The following CACNA1H variants were observed in gnomAD, a reference collection of about 807,000 sequenced individuals.
The protein encoded by CACNA1H is calcium voltage-gated channel subunit alpha1 H.
A neutral mutation model predicts 192.5 loss-of-function variants in CACNA1H; 149 were observed. The ratio of observed to expected loss-of-function variants is 0.77; its 90% CI spans 0.68 to 0.89. The LOEUF (loss-of-function observed/expected upper bound fraction) is 0.89, where lower values mean the gene tolerates loss of function less well. CACNA1H is among the 40% of genes least tolerant of loss of function. The pLI is 0.00. For missense variants in CACNA1H, 4,257 were observed against 3,423.5 expected (o/e 1.24, Z -6.08); for synonymous variants, 2,202 against 1,475.2 (o/e 1.49, Z -11.29).
At chr16:1,166,544 G>A (rs1042688740) in intron 2 of CACNA1H, among the ~76,000 whole-genome samples, 1 of 152,174 alleles carries the variant, frequency 6.6e-6, no homozygotes, top group Non-Finnish European at 1.5e-5. Context: ...TATCCTCGCG[G>A]TGGTGCAGCC....
At position 1,193,486 on chromosome 16, in the gene CACNA1H, C is replaced by G. The variant is rs550835772; in HGVS notation, c.300-1486C>G. Among the ~76,000 whole-genome samples the G allele has an allele frequency of 2.2e-4, 34 of 152,338 alleles. 1 individual carries two copies. The highest frequency in any genetic ancestry group is 2.0e-3 in the Admixed American group (30 of 15,306). On this transcript the variant is annotated intron_variant, in intron 2 of 34. Coordinates refer to ENST00000348261, the MANE Select transcript of CACNA1H (RefSeq NM_021098.3). ...TGTGCTCTGAGGCTTGCCGTGAAGG[C>G]GCTCACACACTCTGGCCGCTGGGGT...
intron 2 of CACNA1H, among the ~76,000 whole-genome samples, chr16:1,192,671 C>T (rs1209802770): frequency 6.6e-6 from 1 of 152,160 alleles, no homozygotes; most frequent in African/African-American, 2.4e-5. Flanking sequence ...GGCCTTGTGT[C>T]CAGGTAGCCC....
At chr16:1,162,622 C>T (rs1209305649) in intron 2 of CACNA1H, among the ~76,000 whole-genome samples, 1 of 146,872 alleles carries the variant, frequency 6.8e-6, no homozygotes, top group East Asian at 2.0e-4. Context: ...ACGGCCAGCT[C>T]CTGCGGACAC....
intron 12 of CACNA1H, 92 bp from the exon 13 acceptor site, chr16:1,206,909 T>TCCCCCCCCCCCCCCCCCCCCCC: frequency 8.6e-6 from 1 of 116,610 alleles, no homozygotes. Context: ...GTCCTGCCCC[T>TCCCCCCCCCCCCCCCCCCCCCC]CCCTCCTCCC....
At chr16:1,165,332 G>A (rs140884030) in intron 2 of CACNA1H, among the ~76,000 whole-genome samples, 17 of 152,328 alleles carry the variant, frequency 1.1e-4, no homozygotes, top group Non-Finnish European at 2.1e-4. Flanking sequence ...CCCAGTTGGT[G>A]TGTTTGAAAG....
intron 2 of CACNA1H, among the ~76,000 whole-genome samples, chr16:1,187,913 G>A (rs746895767): frequency 6.6e-6 from 1 of 152,240 alleles, no homozygotes; most frequent in African/African-American, 2.4e-5. Flanking sequence ...TTCGGCAAAC[G>A]TGGAGGTCTT....
Position 1,209,145 on chromosome 16 carries a change from G to C in CACNA1H, c.3477G>C (p.Gln1159His), listed in dbSNP as rs776307816. 1 of 1,553,838 alleles carries C rather than the reference G, an allele frequency of 6.4e-7. No homozygotes were observed. The highest frequency in any genetic ancestry group is 1.2e-5 in the South Asian group (1 of 84,240). Residue 1159 changes from glutamine (Q) to histidine (H), a missense_variant, in exon 17 of 35, where the codon CAG becomes CAC. Transcript: ENST00000348261. ...GRAPSLKRRG[Q>H]CGERESLLSG... ...CCCCCAGCCTCAAGCGCCGCGGCCA[G>C]TGTGGGGAACGTGAGTCCCTGCTGT...
intron 2 of CACNA1H, chr16:1,156,875 C>T (rs1264136791): frequency 2.6e-5 from 4 of 152,256 alleles, no homozygotes; most frequent in African/African-American, 9.6e-5. Context: ...TGCGTGCTGG[C>T]TCCATCTCCA....
At chr16:1,183,562 C>T (rs1965686411) in intron 2 of CACNA1H, among the ~76,000 whole-genome samples, 1 of 152,258 alleles carries the variant, frequency 6.6e-6, no homozygotes, top group South Asian at 2.1e-4. Context: ...CACCCAGTTC[C>T]CTCCCGCTAA....
At chr16:1,154,606 C>T (rs1040663401) in intron 2 of CACNA1H, among the ~76,000 whole-genome samples, 1 of 152,236 alleles carries the variant, frequency 6.6e-6, no homozygotes. Flanking sequence ...CTCGCTTTTT[C>T]TGGCTGAACT....
chr16:1,206,765 C>T, intron 12 of CACNA1H: 1 of 520,116 alleles, frequency 1.9e-6, no homozygotes, highest in Non-Finnish European at 3.4e-6. Flanking sequence ...TCTGTCTGTC[C>T]CGCCTCTGGT....
At chr16:1,186,999 C>T (rs972963857) in intron 2 of CACNA1H, among the ~76,000 whole-genome samples, 143 of 152,358 alleles carry the variant, frequency 9.4e-4, no homozygotes, top group African/African-American at 3.1e-3. Flanking sequence ...GGCCCGGCCC[C>T]TCCTGGGTCT....
chr16:1,210,615 C>T lies in CACNA1H; in HGVS notation c.4002C>T (p.Ile1334=). ...ERVFLSVSNY[I]FTAIFVAEMM... ...TCTTCCTCAGCGTCTCCAATTACAT[C>T]TTCACGGCCATCTTCGTGGCGGAGA... Residue 1334 remains isoleucine (I), a synonymous_variant, in exon 20 of 35, where the codon ATC becomes ATT. Transcript: ENST00000348261. 26 of 1,607,444 alleles carry T rather than the reference C, an allele frequency of 1.6e-5. No individual in the cohort carries two copies. Among genetic ancestry groups the T allele is most frequent in the East Asian group, 2.2e-5 (1 of 44,882 alleles).
intron 2 of CACNA1H, among the ~76,000 whole-genome samples, chr16:1,164,973 G>A (rs1049909168): frequency 2.0e-5 from 3 of 152,154 alleles, no homozygotes; most frequent in Admixed American, 6.5e-5. Context: ...GGGGCCCCTC[G>A]GTCCAGCATG....
intron 33 of CACNA1H, 95 bp downstream of exon 33, chr16:1,218,746 C>A: frequency 7.7e-7 from 1 of 1,296,370 alleles, no homozygotes; most frequent in Non-Finnish European, 1.1e-6. Context: ...CAGGCCAGAG[C>A]AGGGCAAGAG....
chr16:1,187,589 C>A (rs1279550168), intron 2 of CACNA1H, among the ~76,000 whole-genome samples: 2 of 152,228 alleles, frequency 1.3e-5, no homozygotes, highest in Non-Finnish European at 2.9e-5. Context: ...AACGGCCCAG[C>A]CTCCCGATCC....
rs1287491203 is a variant in CACNA1H at position 1,153,114 on chromosome 16, G to A, written c.-375G>A. On this transcript the variant is annotated 5_prime_UTR_variant, in exon 1 of 35. Coordinates refer to ENST00000348261, the MANE Select transcript of CACNA1H (RefSeq NM_021098.3). ...CCCGCCCCCCGCCGCTCAGCCCGAA[G>A]TTTCCTGCGCCGCGCGCGGACGGGC... 1 of 142,322 alleles carries A rather than the reference G, an allele frequency of 7.0e-6. No individual in the cohort carries two copies. The highest frequency in any genetic ancestry group is 1.6e-5 in the Non-Finnish European group (1 of 64,144). The allele number at this position is 142,322 out of a possible 1,614,324, so 8.8% of individuals were successfully genotyped here.
intron 2 of CACNA1H, chr16:1,160,166 C>G (rs1454677314): frequency 6.6e-6 from 1 of 152,252 alleles, no homozygotes; most frequent in African/African-American, 2.4e-5. Flanking sequence ...GCCGTCCGTC[C>G]AGCCGCCTGT....
chr16:1,198,483 G>A (rs926646716), intron 5 of CACNA1H, 132 bp from the exon 6 acceptor site: 175 of 933,768 alleles, frequency 1.9e-4, no homozygotes, highest in Non-Finnish European at 2.5e-4. Context: ...GGGGTGGCCC[G>A]AGTCAGTGTG....
Sources: allele counts gnomAD v4.1 joint callset (sites outside exome capture counted in the v4.1 genomes callset), GRCh38; gene constraint gnomAD v4.1.1; transcripts MANE v1.5; gene names NCBI Gene and HGNC (gene_info 2026-07-23, HGNC 2026-07-21).